CRACDL: variants seen among roughly 807,000 people sequenced by gnomAD.
CRACDL encodes the protein CRACD-like protein.
Under a neutral mutation model 70.6 loss-of-function variants are expected in CRACDL, and 26 were observed. The observed-to-expected ratio is 0.37, with a 90% confidence interval of 0.27 to 0.51. The LOEUF is 0.51. Among genes scored for constraint, CRACDL ranks in the 20% least tolerant of loss-of-function variants. The pLI, the probability that CRACDL is intolerant of heterozygous loss-of-function variation, is 0.94. For synonymous variants in CRACDL, 618 were observed against 615.2 expected (o/e 1.00, Z -0.07); for missense variants, 1,283 against 1,376.9 (o/e 0.93, Z 1.08).
At chr2:98,878,706 C>A (rs181909995) in intron 1 of CRACDL, among the ~76,000 whole-genome samples, 1 of 152,174 alleles carries the variant, frequency 6.6e-6, no homozygotes, top group African/African-American at 2.4e-5. Context: ...TGCTCCTCGA[C>A]GTACTATGGG....
At position 98,822,848 on chromosome 2, in the gene CRACDL, C is replaced by T. The variant is rs780851259; in HGVS notation, c.1425G>A (p.Glu475=). The T allele has an allele frequency of 6.9e-7, 1 of 1,448,058 alleles. No homozygotes were observed. Among genetic ancestry groups the T allele is most frequent in the South Asian group, 1.4e-5 (1 of 69,516 alleles). 89.7% of individuals were successfully genotyped at this position (1,448,058 alleles called of 1,614,324 possible). ...AGGGCTCGGTCCCAATTCTCTCGGG[C>T]TCGGTCCCCGCTCCTCTCTCGGGCT... The part of the protein sequence containing the change: ...ETEPERGAGT[E]PERIGTEPST... The change falls in exon 7 of 10, where the codon GAG becomes GAA. Residue 475 remains glutamate, a synonymous_variant. Coordinates refer to ENST00000397899, the MANE Select transcript of CRACDL (RefSeq NM_207362.3). The surrounding 1 kb of genome is among the most constrained non-coding windows in gnomAD (Gnocchi z 4.9).
chr2:98,802,847 G>A (rs1175845213), intron 7 of CRACDL, among the ~76,000 whole-genome samples: 2 of 152,218 alleles, frequency 1.3e-5, no homozygotes, highest in Admixed American at 6.5e-5. Context: ...CTTGCCTTTT[G>A]GCTGAGGATA....
At chr2:98,828,741 T>C (rs1705418413) in intron 5 of CRACDL, among the ~76,000 whole-genome samples, 1 of 152,208 alleles carries the variant, frequency 6.6e-6, no homozygotes, top group Admixed American at 6.5e-5. Flanking sequence ...GTGGACATAA[T>C]CTATTTGAAT....
chr2:98,808,170 A>T (rs1182013179), intron 7 of CRACDL, among the ~76,000 whole-genome samples: 1 of 152,242 alleles, frequency 6.6e-6, no homozygotes, highest in Admixed American at 6.5e-5. Flanking sequence ...TCCACGGACC[A>T]GCACTGCTGC....
chr2:98,794,435 C>A lies in CRACDL; in HGVS notation c.*97G>T, dbSNP rs1440038445. ...GTCATAACTTGATGATAAAATCAATCTTTAAGTTTCACAGTTTGTTTGCCA... is the reference window on the plus strand; with the variant it reads ...GTCATAACTTGATGATAAAATCAATATTTAAGTTTCACAGTTTGTTTGCCA... On this transcript the variant is annotated 3_prime_UTR_variant, in exon 10 of 10. Coordinates refer to ENST00000397899, the MANE Select transcript of CRACDL (RefSeq NM_207362.3). 5 of 1,123,436 alleles carry A rather than the reference C, an allele frequency of 4.5e-6. No homozygotes were observed. Among genetic ancestry groups the A allele is most frequent in the African/African-American group, 1.5e-5 (1 of 65,030 alleles). The allele number at this position is 1,123,436 out of a possible 1,614,324, so 69.6% of individuals were successfully genotyped here.
chr2:98,905,032 C>T (rs1390739958), intron 1 of CRACDL, among the ~76,000 whole-genome samples: 2 of 151,902 alleles, frequency 1.3e-5, no homozygotes, highest in Non-Finnish European at 2.9e-5. Flanking sequence ...GGGTGGATCA[C>T]GAGGTCAGGA....
intron 1 of CRACDL, among the ~76,000 whole-genome samples, chr2:98,889,243 AAGAG>A (rs1365745588): frequency 6.6e-6 from 1 of 151,472 alleles, no homozygotes; most frequent in Non-Finnish European, 1.5e-5. Context: ...AAGAAAAAGA[AAGAG>A]AGAAAGAGAA....
chr2:98,927,978 C>A (rs533477547), intron 1 of CRACDL, among the ~76,000 whole-genome samples: 3 of 151,984 alleles, frequency 2.0e-5, no homozygotes, highest in African/African-American at 7.2e-5. Flanking sequence ...GTCAGGAGTT[C>A]AAGACCAGCC....
At chr2:98,885,675 A>G (rs2104624516) in intron 1 of CRACDL, among the ~76,000 whole-genome samples, 1 of 152,332 alleles carries the variant, frequency 6.6e-6, no homozygotes, top group South Asian at 2.1e-4. Flanking sequence ...TCACTTGGCA[A>G]CCAACCAACC....
rs1703718791 is a variant in CRACDL, at chr2:98,794,554, T to C, written c.2867A>G (p.Asp956Gly). 3.1e-6 allele frequency: 5 copies of C among 1,613,974 alleles called. No homozygotes were observed. Among genetic ancestry groups the C allele is most frequent in the Non-Finnish European group, 2.5e-6 (3 of 1,179,958 alleles). The change falls in exon 10 of 10, where the codon GAC becomes GGC. Residue 956 changes from aspartate (D) to glycine (G), a missense_variant. Asp to Gly is a moderately conservative substitution (Grantham distance 94). Transcript: ENST00000397899. ...LARKKSQAWS[D>G]MPQIIK is the part of the protein sequence containing the mutation. ...CACCTATTTTATAATCTGGGGCATG[T>C]CACTCCAAGCTTGAGATTTCTTTCT...
Position 98,913,294 on chromosome 2 carries a change from G to T in CRACDL, c.-11+22644C>A, listed in dbSNP as rs560217206. Among the ~76,000 whole-genome samples, 9 of 152,320 alleles carry T rather than the reference G, an allele frequency of 5.9e-5. No homozygotes were observed. The East Asian group carries it at 1.5e-3, about 26-fold the overall frequency. The stretch of plus-strand genomic sequence containing the variant: ...TTGTAAAGGAAGTGTGTGGAGTGCT[G>T]TCTAGAGGGAAGCCACATGAGAACG... On this transcript the variant is annotated intron_variant, in intron 1 of 9. Transcript: ENST00000397899.
chr2:98,906,402 C>T (rs1264061334), intron 1 of CRACDL, among the ~76,000 whole-genome samples: 2 of 152,084 alleles, frequency 1.3e-5, no homozygotes, highest in East Asian at 1.9e-4. Context: ...GCTGGGACTA[C>T]AGGCGCATGC....
intron 1 of CRACDL, among the ~76,000 whole-genome samples, chr2:98,865,798 CT>C (rs1157009185): frequency 0.024 from 3,240 of 134,382 alleles, 26 homozygotes; most frequent in African/African-American, 0.037. Context: ...GGACTTTCTG[CT>C]TTTTTTTTTT....
chr2:98,825,362 T>C (rs1705258410), intron 6 of CRACDL, among the ~76,000 whole-genome samples: 1 of 152,222 alleles, frequency 6.6e-6, no homozygotes, highest in Non-Finnish European at 1.5e-5. Flanking sequence ...GCTGGCTACA[T>C]CAGGTTTTCT....
In CRACDL at chr2:98,822,488, G is replaced by A. The variant is rs1478413371; in HGVS notation, c.1785C>T (p.Ser595=). 1.4e-6 allele frequency: 2 copies of A among 1,463,496 alleles called. No individual in the cohort carries two copies. Among genetic ancestry groups the A allele is most frequent in the South Asian group, 1.3e-5 (1 of 76,714 alleles). 90.7% of individuals were successfully genotyped at this position (1,463,496 alleles called of 1,614,324 possible). A position where few individuals can be genotyped will look rare whatever the true frequency, so the allele number is the denominator to read the frequency against. Residue 595 remains serine (S), a synonymous_variant, in exon 7 of 10, where the codon AGC becomes AGT. Transcript: ENST00000397899. The surrounding 1 kb of genome is among the most constrained non-coding windows in gnomAD (Gnocchi z 4.9). ...CGCTCCTCGCGAGGGGCAGGCGGCC[G>A]CTGGCCCGTTCCAGCGGGCGGGAGA... ...PGVSRPLERA[S]GRLPLARSGP...
At chr2:98,814,722 C>T (rs900862162) in intron 7 of CRACDL, among the ~76,000 whole-genome samples, 1 of 152,062 alleles carries the variant, frequency 6.6e-6, no homozygotes, top group Non-Finnish European at 1.5e-5. Flanking sequence ...ATTGAAATAT[C>T]CTTTCTGATT....
At chr2:98,898,466 C>T (rs763616980) in intron 1 of CRACDL, among the ~76,000 whole-genome samples, 12 of 152,258 alleles carry the variant, frequency 7.9e-5, no homozygotes, top group Non-Finnish European at 1.6e-4. Context: ...GCCAGCTCTT[C>T]GCATCACAGT....
chr2:98,906,747 A>T (rs1240493464), intron 1 of CRACDL, among the ~76,000 whole-genome samples: 2 of 152,012 alleles, frequency 1.3e-5, no homozygotes, highest in African/African-American at 4.8e-5. Context: ...CTGTCTAGTG[A>T]TTTTTTTAAT....
intron 1 of CRACDL, among the ~76,000 whole-genome samples, chr2:98,872,476 ATTAT>A (rs1194320409): frequency 6.6e-6 from 1 of 152,168 alleles, no homozygotes; most frequent in Non-Finnish European, 1.5e-5. Context: ...AGGGTGGAAA[ATTAT>A]TTATTGGGTA....
Sources: gnomAD v4.1 joint callset for allele counts (sites outside exome capture counted in the v4.1 genomes callset) on GRCh38, gnomAD v4.1.1 for gene constraint, Gnocchi (gnomAD v3.1) non-coding constraint, MANE v1.5 for transcripts, NCBI Gene and HGNC (gene_info 2026-07-23, HGNC 2026-07-21) for gene names.